PCDHA8: variants seen among roughly 807,000 people sequenced by gnomAD.
The protein encoded by PCDHA8 is protocadherin alpha 8.
In PCDHA8, 53 loss-of-function variants were observed where a neutral mutation model predicts 61.8. The observed-to-expected ratio is 0.86, with a 90% confidence interval of 0.69 to 1.08. The LOEUF is 1.08. PCDHA8 is among the 50% of genes least tolerant of loss of function. The pLI is 0.00. For synonymous variants in PCDHA8, 618 were observed against 556.6 expected (o/e 1.11, Z -1.55); for missense variants, 1,293 against 1,245.0 (o/e 1.04, Z -0.58).
At chr5:140,913,203 G>A (rs2076251339) in intron 1 of PCDHA8, among the ~76,000 whole-genome samples, 1 of 152,182 alleles carries the variant, frequency 6.6e-6, no homozygotes, top group African/African-American at 2.4e-5. Flanking sequence ...TGGCAGTGAA[G>A]CCAATGGGTC....
chr5:140,990,554 A>T (rs555586765), intron 3 of PCDHA8, among the ~76,000 whole-genome samples: 1 of 152,308 alleles, frequency 6.6e-6, no homozygotes, highest in East Asian at 1.9e-4. Context: ...GTATTACCCA[A>T]GAACACACAC....
At chr5:140,968,106 C>T (rs1554230344) in intron 1 of PCDHA8, 8 of 1,614,016 alleles carry the variant, frequency 5.0e-6, no homozygotes, top group East Asian at 2.2e-5. Flanking sequence ...GGGGGAATAC[C>T]GCAGCTCACA....
rs1354537383 is a variant in PCDHA8 at position 140,982,283 on chromosome 5, A to G, written c.2454-192A>G. On this transcript the variant is annotated intron_variant, in intron 2 of 3. Coordinates refer to ENST00000531613, the MANE Select transcript of PCDHA8 (RefSeq NM_018911.3). The stretch of plus-strand genomic sequence containing the variant: ...TGTTCCTGGAATAGTATAGCAGGCA[A>G]TAAGTAAGTCAGCAATGCTTCTGCA... 1.7e-5 allele frequency: 18 copies of G among 1,044,438 alleles called. No homozygotes were observed. In the East Asian group the frequency reaches 2.7e-4, roughly 16 times the overall value. 64.7% of individuals were successfully genotyped at this position (1,044,438 alleles called of 1,614,324 possible).
At chr5:140,929,241 T>TG (rs2085975080) in intron 1 of PCDHA8, 1 of 1,613,878 alleles carries the variant, frequency 6.2e-7, no homozygotes. Context: ...TGCGAAATCT[T>TG]GCCACTGGGG....
chr5:140,849,451 C>T lies in PCDHA8; in HGVS notation c.2394+5736C>T, dbSNP rs2150437889. 5.7e-6 allele frequency: 9 copies of T among 1,586,410 alleles called. 1 individual carries two copies. Among genetic ancestry groups the T allele is most frequent in the Non-Finnish European group, 7.8e-6 (9 of 1,160,978 alleles). ...GAAGAAAGTAGAGCACACAAGATCCCAGTCGAGGCTGTCGATAAAGGCTTC... is the reference window on the plus strand; with the variant it reads ...GAAGAAAGTAGAGCACACAAGATCCTAGTCGAGGCTGTCGATAAAGGCTTC... On this transcript the variant is annotated intron_variant, in intron 1 of 3. Coordinates refer to ENST00000531613, the MANE Select transcript of PCDHA8 (RefSeq NM_018911.3).
At chr5:140,975,475 A>G (rs546732390) in intron 1 of PCDHA8, among the ~76,000 whole-genome samples, 5 of 152,368 alleles carry the variant, frequency 3.3e-5, no homozygotes, top group African/African-American at 1.2e-4. Flanking sequence ...TCTGCCTATC[A>G]GTTTATATCA....
intron 3 of PCDHA8, among the ~76,000 whole-genome samples, chr5:140,989,660 G>T (rs1369597923): frequency 6.6e-6 from 1 of 152,180 alleles, no homozygotes; most frequent in Non-Finnish European, 1.5e-5. Context: ...TATTTTAAAA[G>T]AAACTCTGCC....
chr5:140,992,857 CTCT>C (rs2097531206), intron 3 of PCDHA8, among the ~76,000 whole-genome samples: 2 of 152,148 alleles, frequency 1.3e-5, no homozygotes, highest in Non-Finnish European at 2.9e-5. Context: ...ACCAGTTTCA[CTCT>C]AGCTCCCTCC....
chr5:140,857,650 G>T, intron 1 of PCDHA8: 1 of 1,596,744 alleles, frequency 6.3e-7, no homozygotes, highest in East Asian at 2.2e-5. Flanking sequence ...AGTTCCAGGT[G>T]AGCGCGCGCG....
intron 1 of PCDHA8, among the ~76,000 whole-genome samples, chr5:140,921,217 T>G (rs2080100928): frequency 6.6e-6 from 1 of 152,122 alleles, no homozygotes; most frequent in African/African-American, 2.4e-5. Flanking sequence ...ATTCACGTCT[T>G]TTTTGCTAGA....
rs2150352451 is a variant in PCDHA8 at position 140,843,096 on chromosome 5, C to A, written c.1775C>A (p.Ala592Glu). 1.9e-6 allele frequency: 3 copies of A among 1,595,484 alleles called. No homozygotes were observed. Among genetic ancestry groups the A allele is most frequent in the Non-Finnish European group, 2.6e-6 (3 of 1,165,436 alleles). The change falls in exon 1 of 4, where the codon GCG becomes GAG. Residue 592 changes from alanine (A) to glutamate (E), a missense_variant. By Grantham distance (107) the Ala-to-Glu change is moderately radical. Coordinates refer to ENST00000531613, the MANE Select transcript of PCDHA8 (RefSeq NM_018911.3). ...PRSVGAGHVV[A>E]KVRAVDADSG... Reference sequence around the variant, plus strand: ...TCTGTGGGCGCGGGCCACGTGGTAGCGAAGGTGCGCGCAGTGGACGCCGAC... The same window carrying A: ...TCTGTGGGCGCGGGCCACGTGGTAGAGAAGGTGCGCGCAGTGGACGCCGAC...
chr5:140,927,802 A>G (rs782489417), intron 1 of PCDHA8: 1 of 1,614,030 alleles, frequency 6.2e-7, no homozygotes, highest in African/African-American at 1.3e-5. Flanking sequence ...TCCGCCTGAA[A>G]CGCTCTTGGA....
chr5:140,918,175 CT>C (rs1429626043), intron 1 of PCDHA8, among the ~76,000 whole-genome samples: 2 of 152,076 alleles, frequency 1.3e-5, no homozygotes, highest in Non-Finnish European at 2.9e-5. Context: ...GCATTGTGTT[CT>C]TGATTTGGCC....
At chr5:140,863,021 T>A (rs1228071790) in intron 1 of PCDHA8, 1 of 554,192 alleles carries the variant, frequency 1.8e-6, no homozygotes, top group Non-Finnish European at 3.5e-6. Flanking sequence ...CGCCTGGTTG[T>A]CGCAACAGCT....
At chr5:140,882,920 G>C (rs2059362328) in intron 1 of PCDHA8, 1 of 1,614,090 alleles carries the variant, frequency 6.2e-7, no homozygotes. Flanking sequence ...CAGTGATGGA[G>C]GTAAACCCGA....
At chr5:140,869,286 G>A in intron 1 of PCDHA8, 2 of 1,613,616 alleles carry the variant, frequency 1.2e-6, no homozygotes, top group Non-Finnish European at 1.7e-6. Context: ...AGCTGGTGCA[G>A]CGCCTGTTCC....
At chr5:140,911,436 C>G (rs369054235) in intron 1 of PCDHA8, among the ~76,000 whole-genome samples, 14 of 152,124 alleles carry the variant, frequency 9.2e-5, no homozygotes, top group African/African-American at 2.4e-4. Flanking sequence ...TCCAATTTCC[C>G]GCAATTTCAG....
chr5:140,966,926 C>T (rs782811757), intron 1 of PCDHA8: 22 of 1,603,344 alleles, frequency 1.4e-5, no homozygotes, highest in Middle Eastern at 1.6e-4. Context: ...GGAGCAGGCA[C>T]CCGGCGCGCT....
chr5:140,942,633 G>A (rs1554215141), intron 1 of PCDHA8, among the ~76,000 whole-genome samples: 1 of 151,496 alleles, frequency 6.6e-6, no homozygotes, highest in Admixed American at 6.6e-5. Context: ...AAAAAAAATG[G>A]CAAAAGAGAT....
Sources: allele counts gnomAD v4.1 joint callset (sites outside exome capture counted in the v4.1 genomes callset), GRCh38; gene constraint gnomAD v4.1.1; transcripts MANE v1.5; gene names NCBI Gene and HGNC (gene_info 2026-07-23, HGNC 2026-07-21).